LAMC3: variants seen among roughly 807,000 people sequenced by gnomAD.
LAMC3 encodes the protein laminin subunit gamma-3.
Under a neutral mutation model 173.8 loss-of-function variants are expected in LAMC3, and 128 were observed. That is an observed-to-expected ratio of 0.74 (90% CI 0.64 to 0.85). The LOEUF (loss-of-function observed/expected upper bound fraction) is 0.85, where lower values mean the gene tolerates loss of function less well. Among genes scored for constraint, LAMC3 ranks in the 40% least tolerant of loss-of-function variants. LAMC3 has a pLI of 0.00. For missense variants in LAMC3, 2,022 were observed against 2,156.0 expected (o/e 0.94, Z 1.23); for synonymous variants, 897 against 909.1 (o/e 0.99, Z 0.24).
chr9:131,082,845 C>T (rs1168551050), intron 24 of LAMC3, among the ~76,000 whole-genome samples: 1 of 152,180 alleles, frequency 6.6e-6, no homozygotes, highest in Non-Finnish European at 1.5e-5. Context: ...GGCCAGAAGT[C>T]AGGCTTCTGC....
intron 16 of LAMC3, 73 bp downstream of exon 16, chr9:131,069,123 G>A: frequency 1.3e-6 from 2 of 1,512,074 alleles, no homozygotes; most frequent in African/African-American, 2.7e-5. Context: ...GATGACTGAT[G>A]GGGAAAATGG....
At chr9:131,072,017 A>T (rs1242677746) in intron 18 of LAMC3, among the ~76,000 whole-genome samples, 2 of 152,102 alleles carry the variant, frequency 1.3e-5, no homozygotes, top group Non-Finnish European at 2.9e-5. Context: ...AAGGAGGGCC[A>T]GGTGTGGTGG....
At chr9:131,075,364 A>C (rs71501182) in intron 20 of LAMC3, among the ~76,000 whole-genome samples, 20,688 of 152,154 alleles carry the variant, frequency 0.14, 2,117 homozygotes, top group African/African-American at 0.29. Flanking sequence ...GCCTGAGGAC[A>C]GGAGGTCGAG....
At chr9:131,037,495 C>G (rs141284707) in intron 4 of LAMC3, among the ~76,000 whole-genome samples, 3 of 152,342 alleles carry the variant, frequency 2.0e-5, no homozygotes, top group East Asian at 3.9e-4. Context: ...CCAGCCCTCC[C>G]CTAACTGCAG....
At chr9:131,048,777 C>G (rs1201226888) in intron 8 of LAMC3, among the ~76,000 whole-genome samples, 3 of 152,268 alleles carry the variant, frequency 2.0e-5, no homozygotes, top group Non-Finnish European at 4.4e-5. Context: ...AGAGATGGCC[C>G]TGATGTCCCA....
chr9:131,024,581 T>C (rs942555723), intron 1 of LAMC3, among the ~76,000 whole-genome samples: 2 of 152,126 alleles, frequency 1.3e-5, no homozygotes, highest in Non-Finnish European at 2.9e-5. Flanking sequence ...GATCAGAGAA[T>C]AGAAAGCCGG....
chr9:131,068,505 TCC>T (rs978609463), intron 15 of LAMC3, among the ~76,000 whole-genome samples: 3 of 152,178 alleles, frequency 2.0e-5, no homozygotes, highest in Non-Finnish European at 4.4e-5. Context: ...AGTGACACTC[TCC>T]CTGGGTGGCC....
rs763270039 is a variant in LAMC3, at chr9:131,009,578, C to T, written c.364C>T (p.Leu122Phe). 1 of 1,572,746 alleles carries T rather than the reference C, an allele frequency of 6.4e-7. No homozygotes were observed. Among genetic ancestry groups the T allele is most frequent in the Non-Finnish European group, 8.6e-7 (1 of 1,160,262 alleles). The change falls in exon 1 of 28, where the codon CTC becomes TTC. Residue 122 changes from leucine to phenylalanine, a missense_variant. Physicochemically the swap from Leu to Phe is conservative, Grantham distance 22. Coordinates refer to ENST00000361069, the MANE Select transcript of LAMC3 (RefSeq NM_006059.4). This position sits in a 1 kb window ranked among gnomAD's most constrained non-coding sequence, Gnocchi z 4.3. Reference sequence around the variant, plus strand: ...GTACCCCACCTCGGTCAACATCACCCTCCGCCTAGGTAAGCGCGGGCTGGG... The same window carrying T: ...GTACCCCACCTCGGTCAACATCACCTTCCGCCTAGGTAAGCGCGGGCTGGG... ...VQYPTSVNIT[L>F]RLGKAYEITY...
chr9:131,040,313 G>A (rs564170419), intron 6 of LAMC3, among the ~76,000 whole-genome samples: 3 of 152,134 alleles, frequency 2.0e-5, no homozygotes, highest in African/African-American at 7.2e-5. Context: ...GAGTAGCTGA[G>A]ATTACAAATG....
intron 16 of LAMC3, 24 bp downstream of exon 16, chr9:131,069,074 G>A: frequency 6.2e-7 from 1 of 1,612,636 alleles, no homozygotes; most frequent in South Asian, 1.1e-5. Context: ...GTCCTTCCCG[G>A]GCTGCCCTGA....
At chr9:131,012,381 G>A (rs1833433808) in intron 1 of LAMC3, among the ~76,000 whole-genome samples, 1 of 152,208 alleles carries the variant, frequency 6.6e-6, no homozygotes. Flanking sequence ...GCCACTTCCT[G>A]AGCAGCTGTT....
chr9:131,045,935 C>A (rs375504273), intron 8 of LAMC3, among the ~76,000 whole-genome samples: 7 of 152,162 alleles, frequency 4.6e-5, no homozygotes, highest in African/African-American at 1.7e-4. Flanking sequence ...GGGGAATTTC[C>A]CACTCACCCC....
In LAMC3 at chr9:131,029,817, A is replaced by C. The variant is rs147207692; in HGVS notation, c.679-2228A>C. ...CTTGGACATAGAGCCCAAGCTGTCC[A>C]CCTCCTGCTTCTCCTTAATGCCATG... On this transcript the variant is annotated intron_variant, in intron 2 of 27. Coordinates refer to ENST00000361069, the MANE Select transcript of LAMC3 (RefSeq NM_006059.4). This position sits in a 1 kb window ranked among gnomAD's most constrained non-coding sequence, Gnocchi z 4.6. 0.011 allele frequency among the ~76,000 whole-genome samples: 1,669 copies of C among 151,486 alleles called. 38 individuals carry two copies. Among genetic ancestry groups the C allele is most frequent in the African/African-American group, 0.039 (1,592 of 41,206 alleles).
intron 23 of LAMC3, among the ~76,000 whole-genome samples, chr9:131,080,954 G>C (rs1327708785): frequency 6.6e-6 from 1 of 152,158 alleles, no homozygotes; most frequent in Non-Finnish European, 1.5e-5. Flanking sequence ...CATTTTAGAT[G>C]CAATGGCTTT....
At chr9:131,086,744 G>T (rs1453948781) in intron 25 of LAMC3, among the ~76,000 whole-genome samples, 14 of 151,722 alleles carry the variant, frequency 9.2e-5, no homozygotes. Context: ...AAAAAAATTA[G>T]CCGGGCATGG....
chr9:131,024,902 C>T (rs925035924), intron 1 of LAMC3, among the ~76,000 whole-genome samples: 2 of 152,030 alleles, frequency 1.3e-5, no homozygotes, highest in African/African-American at 4.8e-5. Flanking sequence ...CCTCTCCTGT[C>T]CTGGGGGGAT....
chr9:131,045,758 T>C (rs913775520), intron 8 of LAMC3, 98 bp downstream of exon 8: 259 of 1,458,858 alleles, frequency 1.8e-4, no homozygotes, highest in Non-Finnish European at 2.4e-4. Flanking sequence ...GATCTCCCAT[T>C]GTGGAGAGGA....
At chr9:131,066,213 G>A (rs142455182) in intron 13 of LAMC3, among the ~76,000 whole-genome samples, 27 of 151,116 alleles carry the variant, frequency 1.8e-4, no homozygotes, top group African/African-American at 5.8e-4. Context: ...AAAAATAGCC[G>A]GTTGTGGTGG....
At chr9:131,025,422 C>T (rs1833698155) in intron 1 of LAMC3, among the ~76,000 whole-genome samples, 1 of 152,134 alleles carries the variant, frequency 6.6e-6, no homozygotes, top group Non-Finnish European at 1.5e-5. Context: ...GAGCGCAGGG[C>T]AGGCAGGTGC....
Sources: allele counts gnomAD v4.1 joint callset (sites outside exome capture counted in the v4.1 genomes callset), GRCh38; gene constraint gnomAD v4.1.1; non-coding constraint Gnocchi (gnomAD v3.1); transcripts MANE v1.5; gene names NCBI Gene and HGNC (gene_info 2026-07-23, HGNC 2026-07-21).